The following FCRL3 variants were observed in gnomAD, a reference collection of about 807,000 sequenced individuals.
FCRL3 encodes the protein Fc receptor-like protein 3.
A neutral mutation model predicts 75.0 loss-of-function variants in FCRL3; 89 were observed. The observed-to-expected ratio is 1.19, with a 90% confidence interval of 1.00 to 1.42. The LOEUF (loss-of-function observed/expected upper bound fraction) is 1.42, where lower values mean the gene tolerates loss of function less well. Ranked by LOEUF, FCRL3 falls within the 40% of genes most tolerant of loss-of-function variation. FCRL3 has a pLI of 0.00. For synonymous variants in FCRL3, 376 were observed against 348.5 expected (o/e 1.08, Z -0.88); for missense variants, 946 against 880.0 (o/e 1.07, Z -0.95).
Position 157,683,208 on chromosome 1 carries a change from A to G in FCRL3, c.1838+9T>C, listed in dbSNP as rs201405001. On this transcript the variant is annotated intron_variant, in intron 11 of 14. Transcript: ENST00000368184. ...AAAATGTTGGCAGCACAAGAAGCAG[A>G]GACCTCACCTAGATGTTCCAGTGGC... The G allele has an allele frequency of 7.9e-5, 127 of 1,612,958 alleles. No individual in the cohort carries two copies. Among genetic ancestry groups the G allele is most frequent in the Middle Eastern group, 1.7e-4 (1 of 6,056 alleles).
Position 157,700,440 on chromosome 1 carries a change from T to A in FCRL3, c.31+19A>T, listed in dbSNP as rs761818674. 1 of 1,613,886 alleles carries A rather than the reference T, an allele frequency of 6.2e-7. No homozygotes were observed. The highest frequency in any genetic ancestry group is 1.1e-5 in the South Asian group (1 of 91,066). ...TTTAGGAACTGAGGCCGTGGCCCCA[T>A]TATAGCCCATCTACTCACTCAGGAT... is the stretch of plus-strand genomic sequence containing the variant. On this transcript the variant is annotated intron_variant, in intron 2 of 14. Transcript: ENST00000368184.
chr1:157,700,445 G>A lies in FCRL3; in HGVS notation c.31+14C>T, dbSNP rs1235336547. ...GAACTGAGGCCGTGGCCCCATTATA[G>A]CCCATCTACTCACTCAGGATCAGCA... On this transcript the variant is annotated intron_variant, in intron 2 of 14. Coordinates refer to ENST00000368184, the MANE Select transcript of FCRL3 (RefSeq NM_052939.4). 6.2e-7 allele frequency: 1 copy of A among 1,613,902 alleles called. No individual in the cohort carries two copies. Among genetic ancestry groups the A allele is most frequent in the Non-Finnish European group, 8.5e-7 (1 of 1,179,932 alleles).
chr1:157,688,972 T>G (rs2101605360), intron 10 of FCRL3, among the ~76,000 whole-genome samples: 1 of 152,274 alleles, frequency 6.6e-6, no homozygotes, highest in African/African-American at 2.4e-5. Context: ...TTTATTTGTG[T>G]AAAATCTCTC....
In FCRL3 at chr1:157,679,828, CACAAAAAA is replaced by C. The variant is rs1256815697; in HGVS notation, c.2027-863_2027-856del. Among the ~76,000 whole-genome samples the C allele has an allele frequency of 3.3e-3, 91 of 27,914 alleles. 2 individuals carry two copies. The highest frequency in any genetic ancestry group is 0.024 in the East Asian group (16 of 658). 18.3% of individuals were successfully genotyped at this position (27,914 alleles called of 152,430 possible). ...TGGGCGACAGAACGAGACCCCATCT[CACAAAAAA>C]AAAAAAAAAAAAAAAAAAAAAAAAT... On this transcript the variant is annotated intron_variant, in intron 13 of 14. Transcript: ENST00000368184.
Position 157,676,543 on chromosome 1 carries a change from G to A in FCRL3, c.*2167C>T, listed in dbSNP as rs977717948. 1.7e-6 allele frequency: 1 copy of A among 600,762 alleles called. No individual in the cohort carries two copies. Among genetic ancestry groups the A allele is most frequent in the South Asian group, 2.9e-5 (1 of 33,996 alleles). The allele number at this position is 600,762 out of a possible 1,614,324, so 37.2% of individuals were successfully genotyped here. A position where few individuals can be genotyped will look rare whatever the true frequency, so the allele number is the denominator to read the frequency against. ...CTAAAATTACTTTTTTTAGATTTCT[G>A]GGCTATGGGTTTTTAGTTGTGAATT... On this transcript the variant is annotated 3_prime_UTR_variant, in exon 15 of 15. Transcript: ENST00000368184.
rs2282285 is a variant in FCRL3 at position 157,679,215 on chromosome 1, C to T, written c.2027-242G>A. The T allele has an allele frequency of 1.3e-4, 74 of 573,460 alleles. No individual in the cohort carries two copies. In the East Asian group the frequency reaches 2.1e-3, roughly 16 times the overall value. The allele number at this position is 573,460 out of a possible 1,614,324, so 35.5% of individuals were successfully genotyped here. A position where few individuals can be genotyped will look rare whatever the true frequency, so the allele number is the denominator to read the frequency against. On this transcript the variant is annotated intron_variant, in intron 13 of 14. Transcript: ENST00000368184. ...CAAACCCAAATAGAAAAAGTACTGC[C>T]CCAAGCACAAACACTAATAAAGACT... is the stretch of plus-strand genomic sequence containing the variant.
intron 10 of FCRL3, among the ~76,000 whole-genome samples, chr1:157,688,171 G>A (rs1039543654): frequency 6.6e-6 from 1 of 151,822 alleles, no homozygotes; most frequent in Non-Finnish European, 1.5e-5. Flanking sequence ...AACAAAACCG[G>A]CAAGAATTAG....
intron 14 of FCRL3, 38 bp from the exon 15 acceptor site, chr1:157,678,894 C>G: frequency 1.9e-6 from 3 of 1,614,018 alleles, no homozygotes; most frequent in Non-Finnish European, 2.5e-6. Context: ...TACCTAAATA[C>G]AGGAGAGGAA....
chr1:157,685,631 C>A (rs557157899), intron 10 of FCRL3, among the ~76,000 whole-genome samples: 1 of 152,088 alleles, frequency 6.6e-6, no homozygotes, highest in Non-Finnish European at 1.5e-5. Flanking sequence ...ATATTCTATC[C>A]GGCAACTATG....
chr1:157,694,072 CTGTT>C (rs1356893673), intron 8 of FCRL3, among the ~76,000 whole-genome samples: 4 of 152,008 alleles, frequency 2.6e-5, no homozygotes, highest in African/African-American at 9.7e-5. Flanking sequence ...TCTATTTTTT[CTGTT>C]TGTTTTGTAA....
chr1:157,700,752 T>G lies in FCRL3; in HGVS notation c.-187A>C. ...TCCATCAGCTGCAGTCTCTCAGGAG[T>G]AATGTCTCCAAGACTGTGCCTGGGT... On this transcript the variant is annotated 5_prime_UTR_variant, in exon 1 of 15. Transcript: ENST00000368184. 8 of 1,384,172 alleles carry G rather than the reference T, an allele frequency of 5.8e-6. No homozygotes were observed. Among genetic ancestry groups the G allele is most frequent in the Non-Finnish European group, 7.5e-6 (8 of 1,066,606 alleles). The allele number at this position is 1,384,172 out of a possible 1,614,324, so 85.7% of individuals were successfully genotyped here. A position where few individuals can be genotyped will look rare whatever the true frequency, so the allele number is the denominator to read the frequency against.
In FCRL3 at chr1:157,697,390, A is replaced by AAG; in HGVS notation, c.593_594insCT (p.Ser199PhefsTer5). On this transcript the variant is annotated frameshift_variant, in exon 6 of 15. Transcript: ENST00000368184. LOFTEE classifies it high-confidence loss of function. ...TGGGACTCCCCTCTATGGGCGTGGA[A>AAG]GAGCTGGCTCTCAGCACAGGATGTA... The AAG allele has an allele frequency of 6.4e-7, 1 of 1,563,868 alleles. No homozygotes were observed.
intron 8 of FCRL3, among the ~76,000 whole-genome samples, chr1:157,694,998 A>G (rs1194146100): frequency 6.6e-6 from 1 of 152,046 alleles, no homozygotes; most frequent in South Asian, 2.1e-4. Context: ...GAATTCAGAA[A>G]TAAAGGCTTT....
chr1:157,681,478 T>C (rs1654844500), intron 11 of FCRL3, among the ~76,000 whole-genome samples: 1 of 144,762 alleles, frequency 6.9e-6, no homozygotes, highest in Non-Finnish European at 1.5e-5. Flanking sequence ...CACCTATGAG[T>C]GAGAACATGC....
chr1:157,690,631 T>C, intron 8 of FCRL3, 98 bp from the exon 9 acceptor site: 9 of 1,442,636 alleles, frequency 6.2e-6, no homozygotes, highest in Non-Finnish European at 8.4e-6. Context: ...TGCGGGAACA[T>C]GCACCTGGAT....
At chr1:157,689,995 G>C (rs1204139745) in intron 9 of FCRL3, 78 bp from the exon 10 acceptor site, 7 of 1,583,902 alleles carry the variant, frequency 4.4e-6, no homozygotes, top group East Asian at 4.5e-5. Context: ...TAGGGTGAGT[G>C]TGTTCCAGTT....
chr1:157,686,728 CT>C (rs1413723598), intron 10 of FCRL3, among the ~76,000 whole-genome samples: 1 of 152,128 alleles, frequency 6.6e-6, no homozygotes, highest in Non-Finnish European at 1.5e-5. Flanking sequence ...GGATAACTTG[CT>C]AGCCATATTC....
At position 157,678,015 on chromosome 1, in the gene FCRL3, G is replaced by A. The variant is rs1257796289; in HGVS notation, c.*695C>T. On this transcript the variant is annotated 3_prime_UTR_variant, in exon 15 of 15. Coordinates refer to ENST00000368184, the MANE Select transcript of FCRL3 (RefSeq NM_052939.4). ...CATGTATGGCAAATGATGAGACTAT[G>A]TCATGAAGCAAAAATTACAATTAAT... 4 of 985,430 alleles carry A rather than the reference G, an allele frequency of 4.1e-6. No homozygotes were observed. Among genetic ancestry groups the A allele is most frequent in the Middle Eastern group, 5.2e-4 (1 of 1,914 alleles). The allele number at this position is 985,430 out of a possible 1,614,324, so 61.0% of individuals were successfully genotyped here. A position where few individuals can be genotyped will look rare whatever the true frequency, so the allele number is the denominator to read the frequency against.
In FCRL3 at chr1:157,700,737, G is replaced by T. The variant is rs146616847; in HGVS notation, c.-172C>A. On this transcript the variant is annotated 5_prime_UTR_variant, in exon 1 of 15. Transcript: ENST00000368184. ...AGTTGGGGCTCATCTTCCATCAGCT[G>T]CAGTCTCTCAGGAGTAATGTCTCCA... 227 of 1,400,046 alleles carry T rather than the reference G, an allele frequency of 1.6e-4. No individual in the cohort carries two copies. In the African/African-American group the frequency reaches 3.2e-3, roughly 19 times the overall value. 86.7% of individuals were successfully genotyped at this position (1,400,046 alleles called of 1,614,324 possible).
Sources: gnomAD v4.1 joint callset for allele counts (sites outside exome capture counted in the v4.1 genomes callset) on GRCh38, gnomAD v4.1.1 for gene constraint, MANE v1.5 for transcripts, NCBI Gene and HGNC (gene_info 2026-07-23, HGNC 2026-07-21) for gene names.